NINL: variants seen among roughly 807,000 people sequenced by gnomAD.
The protein encoded by NINL is ninein-like protein.
NINL carries 153 observed loss-of-function variants against 160.3 expected under a neutral mutation model. The observed-to-expected ratio is 0.95, with a 90% CI of 0.84 to 1.09. The LOEUF is 1.09. Among genes scored for constraint, NINL ranks in the 50% least tolerant of loss-of-function variants. The pLI, the probability that NINL is intolerant of heterozygous loss-of-function variation, is 0.00. For synonymous variants in NINL, 800 were observed against 734.8 expected (o/e 1.09, Z -1.43); for missense variants, 1,829 against 1,764.0 (o/e 1.04, Z -0.66).
intron 19 of NINL, 21 bp downstream of exon 19, chr20:25,467,368 T>A: frequency 1.3e-6 from 2 of 1,584,050 alleles, no homozygotes; most frequent in South Asian, 2.2e-5. Context: ...ATGAGCTCCA[T>A]GCCAGGCGTC....
At chr20:25,546,106 A>G (rs1397923615) in intron 1 of NINL, among the ~76,000 whole-genome samples, 1 of 151,866 alleles carries the variant, frequency 6.6e-6, no homozygotes, top group East Asian at 1.9e-4. Context: ...GTCGTGCCCT[A>G]ACTGCCTCAG....
chr20:25,578,457 G>C (rs539155063), intron 1 of NINL, among the ~76,000 whole-genome samples: 14 of 152,158 alleles, frequency 9.2e-5, no homozygotes, highest in Non-Finnish European at 1.9e-4. Context: ...GCCACAAAAA[G>C]CAAAGCACAA....
In NINL at chr20:25,579,981, T is replaced by G. The variant is rs535669226; in HGVS notation, c.-12+5474A>C. On this transcript the variant is annotated intron_variant, in intron 1 of 23. Transcript: ENST00000278886. ...CAGGTCTCTGACCACTCTTAGAAAC[T>G]CCAACAAACCAAAATTGTTACTTTA... Among the ~76,000 whole-genome samples the G allele has an allele frequency of 6.6e-5, 10 of 152,198 alleles. No homozygotes were observed. The East Asian group carries it at 1.9e-3, about 29-fold the overall frequency.
chr20:25,489,207 G>C (rs1262584733), intron 13 of NINL, 37 bp downstream of exon 13: 1 of 1,593,914 alleles, frequency 6.3e-7, no homozygotes, highest in Non-Finnish European at 8.6e-7. Context: ...CCAGAGCCTG[G>C]ACATGAGACT....
At chr20:25,484,508 C>G (rs961451440) in intron 13 of NINL, among the ~76,000 whole-genome samples, 42 of 152,356 alleles carry the variant, frequency 2.8e-4, no homozygotes, top group African/African-American at 1.0e-3. Flanking sequence ...CAGCAGCCAA[C>G]ACTGCGGGGC....
chr20:25,584,561 G>A (rs1401428531), intron 1 of NINL, among the ~76,000 whole-genome samples: 1 of 152,198 alleles, frequency 6.6e-6, no homozygotes, highest in African/African-American at 2.4e-5. Context: ...TCACAGCAAA[G>A]GCCGCTAAGA....
At position 25,510,677 on chromosome 20, in the gene NINL, G is replaced by A; in HGVS notation, c.514C>T (p.Gln172Ter). 1.2e-6 allele frequency: 2 copies of A among 1,613,722 alleles called. No individual in the cohort carries two copies. The highest frequency in any genetic ancestry group is 1.7e-6 in the Non-Finnish European group (2 of 1,179,864). Reference protein sequence around the residue: ...KEAQNELFEAQGQLQTWDSED... With the variant: ...KEAQNELFEA ...GAATGCGAGGCTGAGGCTTTACCTT[G>A]TGCTTCAAATAATTCATTCTGAGCT... Residue 172 changes from glutamine to a stop codon, truncating the protein, a stop_gained, in exon 5 of 24, where the codon CAA (glutamine) becomes TAA (stop). Coordinates refer to ENST00000278886, the MANE Select transcript of NINL (RefSeq NM_025176.6). LOFTEE classifies it high-confidence loss of function.
intron 16 of NINL, among the ~76,000 whole-genome samples, chr20:25,477,793 A>G (rs1027039213): frequency 2.6e-5 from 4 of 152,184 alleles, no homozygotes; most frequent in Non-Finnish European, 5.9e-5. Flanking sequence ...TGCTGAGAGG[A>G]GAGGGGCTGC....
At chr20:25,497,976 A>C (rs2063791868) in intron 9 of NINL, among the ~76,000 whole-genome samples, 1 of 152,230 alleles carries the variant, frequency 6.6e-6, no homozygotes, top group African/African-American at 2.4e-5. Context: ...AACACGGATG[A>C]GCGGCTGCCA....
At chr20:25,546,045 A>G (rs2064728180) in intron 1 of NINL, among the ~76,000 whole-genome samples, 1 of 150,864 alleles carries the variant, frequency 6.6e-6, no homozygotes, top group Non-Finnish European at 1.5e-5. Context: ...GCAGTGTACT[A>G]ATGTATGACT....
chr20:25,527,040 C>A (rs1016417580), intron 1 of NINL, among the ~76,000 whole-genome samples: 1 of 152,034 alleles, frequency 6.6e-6, no homozygotes, highest in African/African-American at 2.4e-5. Context: ...AAAAAGGAAA[C>A]TATTCTAGAA....
intron 1 of NINL, among the ~76,000 whole-genome samples, chr20:25,554,149 C>T (rs1457062326): frequency 1.3e-5 from 2 of 152,096 alleles, no homozygotes; most frequent in South Asian, 2.1e-4. Flanking sequence ...GGAAGGGCAG[C>T]GAGGTGTGTC....
intron 21 of NINL, among the ~76,000 whole-genome samples, chr20:25,461,140 G>A (rs916329226): frequency 6.6e-6 from 1 of 152,228 alleles, no homozygotes; most frequent in African/African-American, 2.4e-5. Flanking sequence ...GGCGTGTACA[G>A]AGGCCAGTGT....
At chr20:25,481,913 C>T in intron 14 of NINL, 55 bp downstream of exon 14, 3 of 1,573,514 alleles carry the variant, frequency 1.9e-6, no homozygotes, top group East Asian at 4.5e-5. Flanking sequence ...TGGCTCTGGG[C>T]CTTGTTGTCA....
intron 1 of NINL, among the ~76,000 whole-genome samples, chr20:25,577,672 A>T (rs2065130349): frequency 6.6e-6 from 1 of 152,174 alleles, no homozygotes; most frequent in Admixed American, 6.5e-5. Flanking sequence ...CATGACTCTA[A>T]GGGGAACCTG....
intron 16 of NINL, 72 bp from the exon 17 acceptor site, chr20:25,477,161 C>T: frequency 7.2e-7 from 1 of 1,395,966 alleles, no homozygotes; most frequent in Non-Finnish European, 9.5e-7. Flanking sequence ...GAAGTCTGCC[C>T]AGCTGTTGCA....
intron 18 of NINL, among the ~76,000 whole-genome samples, chr20:25,468,846 G>A (rs2063001231): frequency 6.9e-6 from 1 of 145,652 alleles, no homozygotes; most frequent in African/African-American, 2.6e-5. Flanking sequence ...TCACTGGTGG[G>A]CGCCCCACCG....
intron 19 of NINL, 76 bp from the exon 20 acceptor site, chr20:25,462,617 T>A: frequency 7.9e-7 from 1 of 1,260,112 alleles, no homozygotes; most frequent in Non-Finnish European, 1.1e-6. Flanking sequence ...TTGCCCATCA[T>A]TGGCTATATT....
At chr20:25,467,293 A>G in intron 19 of NINL, 96 bp downstream of exon 19, 1 of 1,104,880 alleles carries the variant, frequency 9.1e-7, no homozygotes, top group Non-Finnish European at 1.4e-6. Flanking sequence ...TTTTAGAAGA[A>G]TATTCTCTAC....
Sources: allele counts gnomAD v4.1 joint callset (sites outside exome capture counted in the v4.1 genomes callset), GRCh38; gene constraint gnomAD v4.1.1; transcripts MANE v1.5; gene names NCBI Gene and HGNC (gene_info 2026-07-23, HGNC 2026-07-21).